Variants in AKAP12 observed in about 807,000 individuals in gnomAD.
The protein encoded by AKAP12 is A-kinase anchor protein 12.
AKAP12 carries 32 observed loss-of-function variants against 79.9 expected under a neutral mutation model. The observed-to-expected ratio is 0.40, with a 90% confidence interval of 0.30 to 0.54. The LOEUF is 0.54. AKAP12 is among the 20% of genes least tolerant of loss of function. AKAP12 has a pLI of 0.48. For missense variants in AKAP12, 2,074 were observed against 2,177.0 expected (o/e 0.95, Z 0.94); for synonymous variants, 808 against 857.0 (o/e 0.94, Z 1.00).
rs561110627 is a variant in AKAP12, at chr6:151,349,412, G to A, written c.1021G>A (p.Gly341Arg). ...EPEKVDTEED[G>R]KAEVASEKLT... ...AGAAAAAGTAGACACAGAAGAAGAC[G>A]GAAAGGCAGAGGTTGCCTCCGAGAA... The change falls in exon 4 of 5, where the codon GGA becomes AGA. Residue 341 changes from glycine to arginine, a missense_variant. By Grantham distance (125) the Gly-to-Arg change is moderately radical. Around this residue, in one of 3 missense-constraint regions of AKAP12, gnomAD observed 1,428 missense variants for 1,451.0 expected, o/e 0.98. Coordinates refer to ENST00000402676, the MANE Select transcript of AKAP12 (RefSeq NM_005100.4). 2.3e-5 allele frequency: 37 copies of A among 1,612,336 alleles called. No individual in the cohort carries two copies. The highest frequency in any genetic ancestry group is 1.4e-4 in the South Asian group (13 of 91,028).
At position 151,351,758 on chromosome 6, in the gene AKAP12, G is replaced by T; in HGVS notation, c.3367G>T (p.Ala1123Ser). The T allele has an allele frequency of 1.2e-6, 2 of 1,614,140 alleles. No individual in the cohort carries two copies. Among genetic ancestry groups the T allele is most frequent in the Non-Finnish European group, 1.7e-6 (2 of 1,180,020 alleles). The change falls in exon 4 of 5, where the codon GCT becomes TCT. Residue 1123 changes from alanine (A) to serine (S), a missense_variant. Transcript: ENST00000402676. This position sits in a 1 kb window ranked among gnomAD's most constrained non-coding sequence, Gnocchi z 4.4. ...GACCACCCCAGAAAGCTTTGAAAAAGCTCCTCAAGTCACAGAGAGCATAGA... is the reference window on the plus strand; with the variant it reads ...GACCACCCCAGAAAGCTTTGAAAAATCTCCTCAAGTCACAGAGAGCATAGA... ...GQTTPESFEK[A>S]PQVTESIESS...
At chr6:151,271,591 G>T (rs975597299) in intron 2 of AKAP12, among the ~76,000 whole-genome samples, 1 of 151,800 alleles carries the variant, frequency 6.6e-6, no homozygotes, top group Non-Finnish European at 1.5e-5. Context: ...CAAAGTGCTG[G>T]GATTACATGT....
At chr6:151,345,465 G>A (rs568607690) in intron 3 of AKAP12, among the ~76,000 whole-genome samples, 1 of 75,168 alleles carries the variant, frequency 1.3e-5, no homozygotes, top group Non-Finnish European at 3.3e-5. Context: ...CATTTTAATT[G>A]ACCTGTTTAG....
At chr6:151,287,657 G>A (rs1237354185) in intron 2 of AKAP12, among the ~76,000 whole-genome samples, 2 of 152,182 alleles carry the variant, frequency 1.3e-5, no homozygotes, top group African/African-American at 4.8e-5. Flanking sequence ...ACAGTGTGGC[G>A]ATTCCTCAAG....
intron 3 of AKAP12, among the ~76,000 whole-genome samples, chr6:151,327,100 C>T (rs1777548416): frequency 6.6e-6 from 1 of 150,398 alleles, no homozygotes; most frequent in Admixed American, 6.7e-5. Context: ...TAGACGTGAG[C>T]CACCGCACCT....
In AKAP12 at chr6:151,275,071, T is replaced by A. The variant is rs575393577; in HGVS notation, c.163-30676T>A. On this transcript the variant is annotated intron_variant, in intron 2 of 4. Transcript: ENST00000402676. ...GTGAGCCGTGATCGCGCCACTGCAC[T>A]TCAGCCTGGGTGACAGAGCAAGACC... 1.4e-3 allele frequency among the ~76,000 whole-genome samples: 208 copies of A among 152,244 alleles called. 1 individual carries two copies. Among genetic ancestry groups the A allele is most frequent in the African/African-American group, 4.5e-3 (187 of 41,544 alleles).
Position 151,350,193 on chromosome 6 carries a change from A to AG in AKAP12, c.1803dup (p.Lys602GlufsTer23). The AG allele has an allele frequency of 6.2e-7, 1 of 1,613,914 alleles. No individual in the cohort carries two copies. Among genetic ancestry groups the AG allele is most frequent in the East Asian group, 2.2e-5 (1 of 44,840 alleles). The stretch of plus-strand genomic sequence containing the variant: ...GAAGAAGGAGCTACTTCCGATGGAG[A>AG]GAAAAAAAGAGAAGGTGTCACTCCC... On this transcript the variant is annotated frameshift_variant, in exon 4 of 5. Coordinates refer to ENST00000402676, the MANE Select transcript of AKAP12 (RefSeq NM_005100.4). LOFTEE classifies it high-confidence loss of function. This position sits in a 1 kb window ranked among gnomAD's most constrained non-coding sequence, Gnocchi z 4.8.
chr6:151,250,174 A>G (rs558507864), intron 2 of AKAP12, among the ~76,000 whole-genome samples: 37 of 150,120 alleles, frequency 2.5e-4, no homozygotes, highest in South Asian at 1.9e-3. Flanking sequence ...GAGCCCGGGA[A>G]GTTGAAGCTG....
rs1778230993 is a variant in AKAP12 at position 151,349,953 on chromosome 6, C to T, written c.1562C>T (p.Thr521Ile). The change falls in exon 4 of 5, where the codon ACC (threonine) becomes ATC (isoleucine). Residue 521 changes from threonine (T) to isoleucine (I), a missense_variant. Thr to Ile is a moderately conservative substitution (Grantham distance 89). Transcript: ENST00000402676. ...VQGSPLKKLF[T>I]STGLKKLSGK... ...GGAAGTCCACTAAAGAAGCTTTTTA[C>T]CAGCACTGGCTTAAAAAAGCTTTCT... 3.1e-6 allele frequency: 5 copies of T among 1,613,942 alleles called. No individual in the cohort carries two copies. Among genetic ancestry groups the T allele is most frequent in the Non-Finnish European group, 4.2e-6 (5 of 1,180,020 alleles).
intron 2 of AKAP12, among the ~76,000 whole-genome samples, chr6:151,289,337 C>A (rs538072824): frequency 6.6e-6 from 1 of 152,284 alleles, no homozygotes; most frequent in East Asian, 1.9e-4. Flanking sequence ...CTTGGATAGA[C>A]TGTGAATGTA....
intron 2 of AKAP12, among the ~76,000 whole-genome samples, chr6:151,274,485 A>C (rs1436581279): frequency 6.6e-6 from 1 of 152,198 alleles, no homozygotes; most frequent in Non-Finnish European, 1.5e-5. Context: ...ATTTCGTTAA[A>C]GTGTATCAGA....
At chr6:151,324,901 G>A (rs761514774) in intron 3 of AKAP12, 13 of 985,394 alleles carry the variant, frequency 1.3e-5, no homozygotes, top group Non-Finnish European at 1.6e-5. Context: ...TTTAACATAG[G>A]CTTTGATTTC....
At chr6:151,334,623 T>TC (rs1777764148) in intron 3 of AKAP12, among the ~76,000 whole-genome samples, 1 of 42,036 alleles carries the variant, frequency 2.4e-5, no homozygotes, top group African/African-American at 3.6e-4. Flanking sequence ...GCATCTCAAC[T>TC]TTTTTTTTTT....
chr6:151,271,588 CT>C lies in AKAP12; in HGVS notation c.162+30865del, dbSNP rs1361851533. Among the ~76,000 whole-genome samples, 8 of 152,094 alleles carry C rather than the reference CT, an allele frequency of 5.3e-5. No homozygotes were observed. In the South Asian group the frequency reaches 1.0e-3, roughly 20 times the overall value. ...CCGCCCACCTCGGCCTCCCAAAGTG[CT>C]GGGATTACATGTGCGAGCCACTACA... On this transcript the variant is annotated intron_variant, in intron 2 of 4. Transcript: ENST00000402676.
At chr6:151,323,031 C>A (rs907394828) in intron 3 of AKAP12, among the ~76,000 whole-genome samples, 7 of 152,190 alleles carry the variant, frequency 4.6e-5, no homozygotes, top group African/African-American at 1.7e-4. Context: ...AAGTCTCCTG[C>A]ATTGGACAGT....
chr6:151,352,839 C>T lies in AKAP12; in HGVS notation c.4448C>T (p.Ser1483Leu), dbSNP rs1263267238. The change falls in exon 4 of 5, where the codon TCG (serine) becomes TTG (leucine). Residue 1483 changes from serine (S) to leucine (L), a missense_variant. Physicochemically the swap from Ser to Leu is moderately radical, Grantham distance 145 (BLOSUM62 -2). Around this residue, in one of 3 missense-constraint regions of AKAP12, gnomAD observed 614 missense variants for 665.6 expected, o/e 0.92. Coordinates refer to ENST00000402676, the MANE Select transcript of AKAP12 (RefSeq NM_005100.4). ...ACAGGGCCCGACTGTCAGGCAAAAT[C>T]GACACCAGTGATAGTATCTGCTACT... ...VPTGPDCQAK[S>L]TPVIVSATTK... 2.4e-5 allele frequency: 38 copies of T among 1,614,064 alleles called. No individual in the cohort carries two copies. Among genetic ancestry groups the T allele is most frequent in the Middle Eastern group, 1.6e-4 (1 of 6,084 alleles).
chr6:151,259,507 T>TACACACACACACACAC (rs762556792), intron 2 of AKAP12, among the ~76,000 whole-genome samples: 2 of 122,494 alleles, frequency 1.6e-5, no homozygotes, highest in African/African-American at 6.8e-5. Context: ...CATGTATATA[T>TACACACACACACACAC]ATATACACAC....
chr6:151,293,485 T>G (rs1387415772), intron 2 of AKAP12, among the ~76,000 whole-genome samples: 1 of 152,190 alleles, frequency 6.6e-6, no homozygotes, highest in African/African-American at 2.4e-5. Context: ...GTCAAGATGG[T>G]AATTAATTTG....
chr6:151,285,764 T>A (rs1776492126), intron 2 of AKAP12, among the ~76,000 whole-genome samples: 1 of 151,086 alleles, frequency 6.6e-6, no homozygotes, highest in Non-Finnish European at 1.5e-5. Context: ...ATAATCTGTG[T>A]ATGCTCTAAA....
Sources: allele counts gnomAD v4.1 joint callset (sites outside exome capture counted in the v4.1 genomes callset), GRCh38; gene constraint gnomAD v4.1.1; regional missense constraint gnomAD v4.1.1; non-coding constraint Gnocchi (gnomAD v3.1); transcripts MANE v1.5; gene names NCBI Gene and HGNC (gene_info 2026-07-23, HGNC 2026-07-21).